The following ITPKC variants were observed in gnomAD, a reference collection of about 807,000 sequenced individuals.
ITPKC encodes the protein inositol-trisphosphate 3-kinase C.
Under a neutral mutation model 67.1 loss-of-function variants are expected in ITPKC, and 33 were observed. The ratio of observed to expected loss-of-function variants is 0.49; its 90% CI spans 0.37 to 0.66. ITPKC has a LOEUF of 0.66. Ranked by LOEUF, ITPKC falls within the 30% of genes least tolerant of loss-of-function variation. The pLI is 0.00. For synonymous variants in ITPKC, 341 were observed against 359.8 expected (o/e 0.95, Z 0.59); for missense variants, 820 against 892.1 (o/e 0.92, Z 1.03).
chr19:40,731,819 C>A (rs1254800536), intron 3 of ITPKC, among the ~76,000 whole-genome samples: 1 of 152,046 alleles, frequency 6.6e-6, no homozygotes, highest in Non-Finnish European at 1.5e-5. Context: ...GTCCTAAGAC[C>A]CACAGTCAGG....
chr19:40,737,246 G>A (rs1354891484), intron 5 of ITPKC, among the ~76,000 whole-genome samples, 159 bp downstream of exon 5: 1 of 152,228 alleles, frequency 6.6e-6, no homozygotes. Context: ...AGGCTGGCTG[G>A]TCCAGGGGGC....
chr19:40,717,671 A>C lies in ITPKC; in HGVS notation c.536A>C (p.His179Pro), dbSNP rs151059025. The change falls in exon 1 of 7, where the codon CAT becomes CCT. Residue 179 changes from histidine (H) to proline (P), a missense_variant. By Grantham distance (77) the His-to-Pro change is moderately conservative. Coordinates refer to ENST00000263370, the MANE Select transcript of ITPKC (RefSeq NM_025194.3). ...VHGPWTELET[H>P]GSQTQPERVK... ...GGGCCCTGGACAGAGCTGGAAACGC[A>C]TGGGTCACAGACTCAGCCAGAGAGG... The C allele has an allele frequency of 6.2e-7, 1 of 1,614,090 alleles. No individual in the cohort carries two copies. The highest frequency in any genetic ancestry group is 1.1e-5 in the South Asian group (1 of 91,082).
At position 40,718,209 on chromosome 19, in the gene ITPKC, C is replaced by T. The variant is rs1384644030; in HGVS notation, c.1074C>T (p.Ser358=). The T allele has an allele frequency of 1.3e-6, 2 of 1,554,742 alleles. No individual in the cohort carries two copies. The highest frequency in any genetic ancestry group is 1.4e-5 in the African/African-American group (1 of 73,072). ...TTGAGGGGGGCAGCGGCGGCTTCTC[C>T]TCTGCCTCTTCTTTCGACGAGTCTG... ...SRVEGGSGGF[S]SASSFDESED... is the part of the protein sequence containing the mutation. The change falls in exon 1 of 7, where the codon TCC becomes TCT. Residue 358 remains serine, a synonymous_variant. Coordinates refer to ENST00000263370, the MANE Select transcript of ITPKC (RefSeq NM_025194.3).
In ITPKC at chr19:40,732,747, C is replaced by A. The variant is rs569642938; in HGVS notation, c.1470-413C>A. On this transcript the variant is annotated intron_variant, in intron 3 of 6. Transcript: ENST00000263370. The stretch of plus-strand genomic sequence containing the variant: ...CACCTGGCCCTACCTTTAATTTAGT[C>A]CAGTTTGTCAGTTTTTTTCATTGTG... 7.9e-5 allele frequency among the ~76,000 whole-genome samples: 12 copies of A among 152,116 alleles called. No homozygotes were observed. The South Asian group carries it at 2.5e-3, about 32-fold the overall frequency.
intron 4 of ITPKC, among the ~76,000 whole-genome samples, chr19:40,734,122 T>C (rs906603537): frequency 5.3e-5 from 8 of 152,142 alleles, no homozygotes; most frequent in African/African-American, 1.9e-4. Flanking sequence ...TCAGTACGCA[T>C]ACTGATTGGT....
chr19:40,720,119 A>G (rs2082214598), intron 1 of ITPKC, among the ~76,000 whole-genome samples: 1 of 152,000 alleles, frequency 6.6e-6, no homozygotes, highest in African/African-American at 2.4e-5. Context: ...TAATCCCAGC[A>G]CTTTGGGAGG....
chr19:40,740,713 T>C lies in ITPKC; in HGVS notation c.*1153T>C, dbSNP rs2082325525. 1 of 361,578 alleles carries C rather than the reference T, an allele frequency of 2.8e-6. No individual in the cohort carries two copies. Among genetic ancestry groups the C allele is most frequent in the Non-Finnish European group, 4.9e-6 (1 of 202,128 alleles). 22.4% of individuals were successfully genotyped at this position (361,578 alleles called of 1,614,324 possible). A position where few individuals can be genotyped will look rare whatever the true frequency, so the allele number is the denominator to read the frequency against. On this transcript the variant is annotated 3_prime_UTR_variant, in exon 7 of 7. Transcript: ENST00000263370. ...ACACTGTCTTCCAGGGCTGAGGAGA[T>C]GCTCTCCTTTTCTACTGACCATCTT... is the stretch of plus-strand genomic sequence containing the variant.
chr19:40,724,266 T>C (rs1333521862), intron 1 of ITPKC, among the ~76,000 whole-genome samples: 1 of 152,130 alleles, frequency 6.6e-6, no homozygotes, highest in African/African-American at 2.4e-5. Flanking sequence ...GGCACACGCC[T>C]GTAGTCCTGA....
intron 4 of ITPKC, among the ~76,000 whole-genome samples, chr19:40,736,180 A>T (rs184533226): frequency 6.6e-6 from 1 of 152,030 alleles, no homozygotes. Flanking sequence ...AGTCCCAGCT[A>T]TCAGGAGGCT....
At chr19:40,719,470 G>A (rs1432254514) in intron 1 of ITPKC, among the ~76,000 whole-genome samples, 1 of 151,704 alleles carries the variant, frequency 6.6e-6, no homozygotes, top group East Asian at 1.9e-4. Flanking sequence ...CTCACTCCTC[G>A]CAGCAACCCT....
Position 40,717,309 on chromosome 19 carries a change from C to T in ITPKC, c.174C>T (p.Pro58=). ...CGGGGCGGCCGGAGGGGGGCGGGCC[C>T]TGGGCCCGGACAGAGGGGTCCAGCC... ...APAGRPEGGG[P]WARTEGSSLH... Residue 58 remains proline, a synonymous_variant, in exon 1 of 7, where the codon CCC becomes CCT. Transcript: ENST00000263370. 6.4e-7 allele frequency: 1 copy of T among 1,553,482 alleles called. No homozygotes were observed.
At chr19:40,738,786 C>T (rs1599657985) in intron 6 of ITPKC, among the ~76,000 whole-genome samples, 2 of 152,336 alleles carry the variant, frequency 1.3e-5, no homozygotes, top group African/African-American at 4.8e-5. Context: ...AATGATCCTA[C>T]AGTCGACCCC....
intron 3 of ITPKC, among the ~76,000 whole-genome samples, chr19:40,729,692 G>A (rs1342608138): frequency 6.6e-6 from 1 of 152,104 alleles, no homozygotes; most frequent in Non-Finnish European, 1.5e-5. Flanking sequence ...GCCTGAACCT[G>A]GGAGGTGGAG....
chr19:40,737,275 G>C (rs575902177), intron 5 of ITPKC, among the ~76,000 whole-genome samples, 188 bp downstream of exon 5: 1 of 152,208 alleles, frequency 6.6e-6, no homozygotes, highest in Non-Finnish European at 1.5e-5. Flanking sequence ...CAGCTCTGCC[G>C]GTTGGCTCAT....
intron 2 of ITPKC, among the ~76,000 whole-genome samples, chr19:40,727,219 A>C (rs1037996803): frequency 6.6e-6 from 1 of 152,104 alleles, no homozygotes; most frequent in Non-Finnish European, 1.5e-5. Context: ...CTGTAATCCC[A>C]GCTACTCGGG....
intron 6 of ITPKC, 134 bp downstream of exon 6, chr19:40,737,903 C>A: frequency 1.5e-6 from 1 of 676,914 alleles, no homozygotes. Flanking sequence ...GTAATACCAG[C>A]ACTTTGGGAG....
chr19:40,733,330 C>T lies in ITPKC; in HGVS notation c.1640C>T (p.Thr547Ile). 1 of 1,613,156 alleles carries T rather than the reference C, an allele frequency of 6.2e-7. No individual in the cohort carries two copies. The highest frequency in any genetic ancestry group is 1.1e-5 in the South Asian group (1 of 90,888). Residue 547 changes from threonine (T) to isoleucine (I), a missense_variant, in exon 4 of 7, where the codon ACC becomes ATC. Physicochemically the swap from Thr to Ile is moderately conservative, Grantham distance 89. Coordinates refer to ENST00000263370, the MANE Select transcript of ITPKC (RefSeq NM_025194.3). ...YMQWRETMSS[T>I]STLGFRIEGI... is the part of the protein sequence containing the mutation. ...CAGTGGAGGGAAACCATGAGCTCCA[C>T]CTCTACCCTGGGCTTCCGGATCGAG...
At chr19:40,737,634 G>T in intron 5 of ITPKC, 64 bp from the exon 6 acceptor site, 1 of 1,431,216 alleles carries the variant, frequency 7.0e-7, no homozygotes, top group Non-Finnish European at 9.9e-7. Context: ...TGAGGTCAGA[G>T]CTCAAGGTGG....
rs1355525058 is a variant in ITPKC at position 40,737,586 on chromosome 19, C to G, written c.1777-112C>G. ...CTTCCCCATGGCTCCCCTATTCCATCCTGGCTAGAGCCTGCCTGCTCCTTT... is the reference window on the plus strand; with the variant it reads ...CTTCCCCATGGCTCCCCTATTCCATGCTGGCTAGAGCCTGCCTGCTCCTTT... On this transcript the variant is annotated intron_variant, in intron 5 of 6. Coordinates refer to ENST00000263370, the MANE Select transcript of ITPKC (RefSeq NM_025194.3). The G allele has an allele frequency of 5.4e-6, 5 of 921,346 alleles. No homozygotes were observed. In the Admixed American group the frequency reaches 8.8e-5, roughly 16 times the overall value. 57.1% of individuals were successfully genotyped at this position (921,346 alleles called of 1,614,324 possible).
Sources: gnomAD v4.1 joint callset for allele counts (sites outside exome capture counted in the v4.1 genomes callset) on GRCh38, gnomAD v4.1.1 for gene constraint, MANE v1.5 for transcripts, NCBI Gene and HGNC (gene_info 2026-07-23, HGNC 2026-07-21) for gene names.